The following PPP2R2B variants were observed in gnomAD, a reference collection of about 807,000 sequenced individuals.
PPP2R2B encodes serine/threonine-protein phosphatase 2A 55 kDa regulatory subunit B beta isoform.
A neutral mutation model predicts 46.0 loss-of-function variants in PPP2R2B; 5 were observed. The ratio of observed to expected loss-of-function variants is 0.11; its 90% CI spans 0.06 to 0.23. The LOEUF is 0.23. PPP2R2B is among the 10% of genes least tolerant of loss of function. PPP2R2B has a pLI of 1.00. For synonymous variants in PPP2R2B, 215 were observed against 206.7 expected (o/e 1.04, Z -0.34); for missense variants, 367 against 575.0 (o/e 0.64, Z 3.70).
chr5:146,840,788 C>T (rs1759589637), intron 2 of PPP2R2B, among the ~76,000 whole-genome samples: 1 of 152,202 alleles, frequency 6.6e-6, no homozygotes, highest in Admixed American at 6.5e-5. Context: ...GCTGCAGTAT[C>T]AGAACTGCTC....
intron 1 of PPP2R2B, among the ~76,000 whole-genome samples, chr5:146,920,085 T>C (rs1763541854): frequency 6.6e-6 from 1 of 152,178 alleles, no homozygotes; most frequent in African/African-American, 2.4e-5. Flanking sequence ...CTGCATAATA[T>C]GTGGCACATA....
chr5:146,663,397 G>T (rs1052986147), intron 5 of PPP2R2B, among the ~76,000 whole-genome samples: 16 of 152,330 alleles, frequency 1.1e-4, no homozygotes, highest in African/African-American at 3.6e-4. Context: ...TAATCTGGAA[G>T]TAGCTGTTAA....
At chr5:146,616,581 T>C (rs1773190512) in intron 7 of PPP2R2B, among the ~76,000 whole-genome samples, 1 of 152,160 alleles carries the variant, frequency 6.6e-6, no homozygotes, top group Admixed American at 6.5e-5. Context: ...TGAATAGATA[T>C]TTATCAAAAG....
chr5:146,628,282 A>C (rs1378973624), intron 7 of PPP2R2B, among the ~76,000 whole-genome samples: 1 of 152,134 alleles, frequency 6.6e-6, no homozygotes, highest in Non-Finnish European at 1.5e-5. Flanking sequence ...TGCTTATGCC[A>C]TTTCCCCCTC....
At chr5:146,625,645 A>AG (rs1449571781) in intron 7 of PPP2R2B, among the ~76,000 whole-genome samples, 2 of 152,122 alleles carry the variant, frequency 1.3e-5, no homozygotes, top group Admixed American at 1.3e-4. Context: ...GTCTTCCTGG[A>AG]GGAATGTGCC....
At chr5:146,605,252 C>G (rs1581696575) in intron 7 of PPP2R2B, among the ~76,000 whole-genome samples, 2 of 152,208 alleles carry the variant, frequency 1.3e-5, no homozygotes, top group South Asian at 4.1e-4. Context: ...CTGTCCTACT[C>G]TCTCTCATCT....
intron 2 of PPP2R2B, among the ~76,000 whole-genome samples, chr5:146,724,061 A>G (rs1751692158): frequency 6.6e-6 from 1 of 152,174 alleles, no homozygotes; most frequent in South Asian, 2.1e-4. Flanking sequence ...TTCTCAATAT[A>G]TATTTGTTGT....
chr5:146,927,932 G>A lies in PPP2R2B; in HGVS notation c.79+127733C>T, dbSNP rs551534125. Among the ~76,000 whole-genome samples, 302 of 152,062 alleles carry A rather than the reference G, an allele frequency of 2.0e-3. 5 individuals are homozygous for A. Among genetic ancestry groups the A allele is most frequent in the Non-Finnish European group, 3.8e-4 (26 of 67,994 alleles). On this transcript the variant is annotated intron_variant, in intron 1 of 8. Transcript: ENST00000336640. ...AATTTTTGTATTTTTAGTAGAGACG[G>A]GGTTTCACCATGTTGGCCAGGCTGG... is the stretch of plus-strand genomic sequence containing the variant.
At chr5:146,857,906 C>T (rs1477278754) in intron 2 of PPP2R2B, among the ~76,000 whole-genome samples, 1 of 152,146 alleles carries the variant, frequency 6.6e-6, no homozygotes, top group African/African-American at 2.4e-5. Flanking sequence ...AGGCTGGTCT[C>T]GAACTCCCGA....
At chr5:146,663,019 T>A (rs1440007494) in intron 5 of PPP2R2B, among the ~76,000 whole-genome samples, 1 of 152,172 alleles carries the variant, frequency 6.6e-6, no homozygotes, top group Non-Finnish European at 1.5e-5. Flanking sequence ...ATCTTTTAAT[T>A]TTTAACCTTT....
At position 146,589,869 on chromosome 5, in the gene PPP2R2B, TGAA is replaced by T; in HGVS notation, c.*75_*77del. The T allele has an allele frequency of 2.9e-6, 4 of 1,398,608 alleles. No homozygotes were observed. The highest frequency in any genetic ancestry group is 4.0e-6 in the Non-Finnish European group (4 of 1,012,292). The allele number at this position is 1,398,608 out of a possible 1,614,324, so 86.6% of individuals were successfully genotyped here. ...GGGAAATTAAAGTCAATGCATCAAA[TGAA>T]GACCCAAAGAAACATTTAAAAACTT... On this transcript the variant is annotated 3_prime_UTR_variant, in exon 10 of 10. Transcript: ENST00000394411.
intron 2 of PPP2R2B, among the ~76,000 whole-genome samples, chr5:146,725,048 GATCA>G (rs111816220): frequency 0.056 from 8,465 of 152,120 alleles, 778 homozygotes; most frequent in African/African-American, 0.19. Context: ...CTATTAATGC[GATCA>G]ATAATTCATA....
At chr5:146,936,865 T>C (rs1432895) in intron 1 of PPP2R2B, among the ~76,000 whole-genome samples, 1 of 132,762 alleles carries the variant, frequency 7.5e-6, no homozygotes, top group Admixed American at 7.4e-5. Flanking sequence ...TGAGCCAGGG[T>C]TTTTTTTTTT....
At chr5:147,052,812 T>C (rs150605074) in intron 1 of PPP2R2B, among the ~76,000 whole-genome samples, 157 of 152,150 alleles carry the variant, frequency 1.0e-3, no homozygotes, top group African/African-American at 3.5e-3. Flanking sequence ...AAGATAATCA[T>C]ATTTTTAAAA....
chr5:146,616,562 C>T (rs1773188066), intron 7 of PPP2R2B, among the ~76,000 whole-genome samples: 1 of 152,006 alleles, frequency 6.6e-6, no homozygotes, highest in Non-Finnish European at 1.5e-5. Context: ...AAAAAATGAG[C>T]AAGTGATATG....
chr5:147,047,831 C>A (rs1756612609), intron 1 of PPP2R2B, among the ~76,000 whole-genome samples: 1 of 152,144 alleles, frequency 6.6e-6, no homozygotes, highest in African/African-American at 2.4e-5. Context: ...CCCATGGCAG[C>A]CACTTTTCTG....
chr5:146,763,735 C>T lies in PPP2R2B; in HGVS notation c.71-62593G>A, dbSNP rs114395619. On this transcript the variant is annotated intron_variant, in intron 2 of 9. Transcript: ENST00000394411. ...CCCAAAAATGAGTTAAGACAAGGAC[C>T]CTTCTTTCCAAAGGTCTTGCTCTGT... Among the ~76,000 whole-genome samples, 1,046 of 152,152 alleles carry T rather than the reference C, an allele frequency of 6.9e-3. 12 individuals carry two copies. The highest frequency in any genetic ancestry group is 0.023 in the African/African-American group (962 of 41,532).
chr5:146,979,242 C>T (rs1368823663), intron 1 of PPP2R2B, among the ~76,000 whole-genome samples: 1 of 152,128 alleles, frequency 6.6e-6, no homozygotes, highest in Non-Finnish European at 1.5e-5. Flanking sequence ...TGTTCATTTA[C>T]ATTTCTGAGA....
chr5:146,628,678 G>C (rs1401569602), intron 7 of PPP2R2B, among the ~76,000 whole-genome samples: 2 of 152,206 alleles, frequency 1.3e-5, no homozygotes, highest in Non-Finnish European at 2.9e-5. Flanking sequence ...AACCTACCCT[G>C]TGCCACCACA....
Sources: gnomAD v4.1 joint callset for allele counts (sites outside exome capture counted in the v4.1 genomes callset) on GRCh38, gnomAD v4.1.1 for gene constraint, MANE v1.5 for transcripts, NCBI Gene and HGNC (gene_info 2026-07-23, HGNC 2026-07-21) for gene names.